NEK10: variants seen among roughly 807,000 people sequenced by gnomAD.
The protein encoded by NEK10 is NIMA related kinase 10.
Under a neutral mutation model 159.8 loss-of-function variants are expected in NEK10, and 122 were observed. That is an observed-to-expected ratio of 0.76 (90% CI 0.66 to 0.89). The LOEUF is 0.89. Among genes scored for constraint, NEK10 ranks in the 40% least tolerant of loss-of-function variants. The pLI, the probability that NEK10 is intolerant of heterozygous loss-of-function variation, is 0.00. For synonymous variants in NEK10, 466 were observed against 457.1 expected, an observed-to-expected ratio of 1.02 and a Z score of -0.25; for missense variants, 1,342 against 1,323.1, an observed-to-expected ratio of 1.01 and a Z score of -0.22.
chr3:27,132,086 C>G lies in NEK10; in HGVS notation c.2971-96G>C, dbSNP rs1942688772. On this transcript the variant is annotated intron_variant, in intron 31 of 35. Transcript: ENST00000691995. ...CGCTGAGGGCCCATGTAACAATATT[C>G]ACTCAATAGGACTATGTAAGAATTT... The G allele has an allele frequency of 1.1e-5, 7 of 633,658 alleles. No homozygotes were observed. In the East Asian group the frequency reaches 1.9e-4, roughly 17 times the overall value. 39.3% of individuals were successfully genotyped at this position (633,658 alleles called of 1,614,324 possible). A position where few individuals can be genotyped will look rare whatever the true frequency, so the allele number is the denominator to read the frequency against.
At chr3:27,272,943 C>G (rs2041483819) in intron 22 of NEK10, among the ~76,000 whole-genome samples, 1 of 152,222 alleles carries the variant, frequency 6.6e-6, no homozygotes, top group African/African-American at 2.4e-5. Context: ...CAACTGCTTC[C>G]TAACCTTCCC....
intron 22 of NEK10, among the ~76,000 whole-genome samples, chr3:27,268,499 A>G (rs2041081022): frequency 6.6e-6 from 1 of 152,204 alleles, no homozygotes; most frequent in Non-Finnish European, 1.5e-5. Context: ...GCCCTTAAGA[A>G]TGTTGCTACA....
rs142055700 is a variant in NEK10 at position 27,124,782 on chromosome 3, C to T, written c.3082-4914G>A. ...GGTGGTGAGTCTAATTCCCGACATG[C>T]CAGATGGCAAAGTAAATGTTCACCC... On this transcript the variant is annotated intron_variant, in intron 32 of 35. Coordinates refer to ENST00000691995, the MANE Select transcript of NEK10 (RefSeq NM_001394966.1). Among the ~76,000 whole-genome samples the T allele has an allele frequency of 1.9e-4, 29 of 152,224 alleles. No homozygotes were observed. In the East Asian group the frequency reaches 5.2e-3, roughly 27 times the overall value.
At chr3:27,292,338 G>A (rs1235851425) in intron 16 of NEK10, among the ~76,000 whole-genome samples, 4 of 152,116 alleles carry the variant, frequency 2.6e-5, no homozygotes. Context: ...TTTCACAAAT[G>A]TCATTTAACT....
chr3:27,315,477 T>C (rs1287838536), intron 6 of NEK10, among the ~76,000 whole-genome samples: 1 of 152,234 alleles, frequency 6.6e-6, no homozygotes, highest in Non-Finnish European at 1.5e-5. Flanking sequence ...TACCTACTAA[T>C]TTGAAGCCTC....
chr3:27,334,604 A>G (rs1272860454), intron 5 of NEK10, among the ~76,000 whole-genome samples: 1 of 152,218 alleles, frequency 6.6e-6, no homozygotes, highest in Admixed American at 6.5e-5. Flanking sequence ...AGCCTAAGCC[A>G]CTGGGGAAAT....
intron 26 of NEK10, among the ~76,000 whole-genome samples, chr3:27,186,834 C>T (rs191560185): frequency 2.0e-5 from 3 of 152,218 alleles, no homozygotes; most frequent in East Asian, 1.9e-4. Flanking sequence ...GATAGGGTCC[C>T]CTAGTGCCAG....
intron 23 of NEK10, among the ~76,000 whole-genome samples, chr3:27,222,560 A>T (rs999972762): frequency 1.3e-5 from 2 of 152,190 alleles, no homozygotes. Context: ...TTGTGATTTT[A>T]GTTTTTTCTT....
At chr3:27,216,973 T>A (rs998028058) in intron 23 of NEK10, among the ~76,000 whole-genome samples, 4 of 152,144 alleles carry the variant, frequency 2.6e-5, no homozygotes, top group Non-Finnish European at 4.4e-5. Flanking sequence ...CCAAATAAAA[T>A]ATAAGCTTTG....
chr3:27,198,703 A>G (rs1949771959), intron 25 of NEK10, among the ~76,000 whole-genome samples: 1 of 152,194 alleles, frequency 6.6e-6, no homozygotes, highest in African/African-American at 2.4e-5. Context: ...AAACCCTGGA[A>G]GACAACCTAG....
At chr3:27,233,411 T>G (rs534365750) in intron 23 of NEK10, among the ~76,000 whole-genome samples, 2 of 152,104 alleles carry the variant, frequency 1.3e-5, no homozygotes, top group Non-Finnish European at 2.9e-5. Flanking sequence ...CAATAGATGT[T>G]GGTGTGGATG....
At chr3:27,231,833 A>G (rs1953310095) in intron 23 of NEK10, among the ~76,000 whole-genome samples, 1 of 151,850 alleles carries the variant, frequency 6.6e-6, no homozygotes, top group African/African-American at 2.4e-5. Flanking sequence ...AAGCAGTAAG[A>G]CTCAATCAGT....
intron 1 of NEK10, among the ~76,000 whole-genome samples, chr3:27,360,898 A>G (rs1416342591): frequency 6.6e-6 from 1 of 152,188 alleles, no homozygotes; most frequent in African/African-American, 2.4e-5. Context: ...GCAAATAGTC[A>G]ATACTTTAAG....
At position 27,304,889 on chromosome 3, in the gene NEK10, G is replaced by A. The variant is rs1362408194; in HGVS notation, c.886C>T (p.Leu296Phe). 1.2e-6 allele frequency: 2 copies of A among 1,613,470 alleles called. No homozygotes were observed. The highest frequency in any genetic ancestry group is 1.7e-6 in the Non-Finnish European group (2 of 1,179,554). ...TGGTCAGAGTGGAGCAGACTGAGGA[G>A]GACCGGTATCCCCTCATAGAGCTTC... ...QVKLYEGIPV[L>F]LSLLHSDHLK... The change falls in exon 12 of 36, where the codon CTC (leucine) becomes TTC (phenylalanine). Residue 296 changes from leucine to phenylalanine, a missense_variant. Leu to Phe is a conservative substitution (Grantham distance 22, BLOSUM62 0). Coordinates refer to ENST00000691995, the MANE Select transcript of NEK10 (RefSeq NM_001394966.1).
At chr3:27,354,856 G>C (rs560602382) in intron 1 of NEK10, among the ~76,000 whole-genome samples, 1 of 152,134 alleles carries the variant, frequency 6.6e-6, no homozygotes, top group Non-Finnish European at 1.5e-5. Flanking sequence ...TGAGAGCCTG[G>C]CTCTCATATT....
At chr3:27,162,674 AT>A in intron 30 of NEK10, 26 bp downstream of exon 30, 1 of 1,614,088 alleles carries the variant, frequency 6.2e-7, no homozygotes, top group Non-Finnish European at 8.5e-7. Flanking sequence ...GTTGTGTTTG[AT>A]TTTATTGCTA....
At chr3:27,251,671 A>T (rs75495144) in intron 23 of NEK10, among the ~76,000 whole-genome samples, 396 of 152,332 alleles carry the variant, frequency 2.6e-3, no homozygotes, top group Non-Finnish European at 4.4e-3. Context: ...ATCCAGTCTC[A>T]GGTATTTCTT....
At chr3:27,337,906 AT>A (rs201033426) in intron 5 of NEK10, among the ~76,000 whole-genome samples, 3 of 151,146 alleles carry the variant, frequency 2.0e-5, no homozygotes, top group East Asian at 1.9e-4. Flanking sequence ...GTAGGCAAAG[AT>A]TTTTTTTTAG....
chr3:27,318,735 C>A (rs540659460), intron 6 of NEK10, among the ~76,000 whole-genome samples: 4 of 152,132 alleles, frequency 2.6e-5, no homozygotes, highest in Non-Finnish European at 4.4e-5. Context: ...AAACTGTACA[C>A]GGGCCCACAC....
Sources: allele counts gnomAD v4.1 joint callset (sites outside exome capture counted in the v4.1 genomes callset), GRCh38; gene constraint gnomAD v4.1.1; transcripts MANE v1.5; gene names NCBI Gene and HGNC (gene_info 2026-07-23, HGNC 2026-07-21).